The following XYLB variants were observed in gnomAD, a reference collection of about 807,000 sequenced individuals.
XYLB encodes the protein xylulokinase.
XYLB carries 62 observed loss-of-function variants against 78.7 expected under a neutral mutation model. That is an observed-to-expected ratio of 0.79 (90% confidence interval 0.64 to 0.97). The LOEUF (loss-of-function observed/expected upper bound fraction) is 0.97, where lower values mean the gene tolerates loss of function less well. XYLB is among the 50% of genes least tolerant of loss of function. The pLI is 0.00. For synonymous variants in XYLB, 245 were observed against 247.4 expected, an observed-to-expected ratio of 0.99 and a Z score of 0.09; for missense variants, 687 against 676.8, an observed-to-expected ratio of 1.02 and a Z score of -0.17.
At chr3:38,443,052 A>C in the XYLB span, among the ~76,000 whole-genome samples, 1 of 152,232 alleles carries the variant, frequency 6.6e-6, no homozygotes, top group African/African-American at 2.4e-5. Flanking sequence ...CAAGAAAGGC[A>C]TGTGAAAAGA....
At chr3:38,415,930 G>A (rs576725813), downstream of XYLB, among the ~76,000 whole-genome samples, 8 of 152,244 alleles carry the variant, frequency 5.3e-5, no homozygotes, top group African/African-American at 1.9e-4. Flanking sequence ...TTCACATGGT[G>A]GCAAGAAAGA....
chr3:38,452,441 T>G, the XYLB span: 1 of 152,120 alleles, frequency 6.6e-6, no homozygotes, highest in Non-Finnish European at 1.5e-5. Context: ...TAAACTTGTT[T>G]TTTTTTTGAG....
the XYLB span, among the ~76,000 whole-genome samples, chr3:38,430,348 G>A: frequency 6.6e-6 from 1 of 152,208 alleles, no homozygotes; most frequent in Non-Finnish European, 1.5e-5. Flanking sequence ...CTGCATAAAT[G>A]TCTTTTTTTG....
downstream of XYLB, among the ~76,000 whole-genome samples, chr3:38,418,414 A>G (rs1185882529): frequency 6.6e-6 from 1 of 152,172 alleles, no homozygotes; most frequent in Non-Finnish European, 1.5e-5. Context: ...AAATTGGGCA[A>G]CATCAACAAA....
chr3:38,444,263 G>C, the XYLB span, among the ~76,000 whole-genome samples: 2 of 152,084 alleles, frequency 1.3e-5, no homozygotes, highest in African/African-American at 4.8e-5. Context: ...ACCTGGATTG[G>C]GCCAAATTCC....
chr3:38,375,823 A>G (rs1391743177), intron 12 of XYLB, among the ~76,000 whole-genome samples: 1 of 152,144 alleles, frequency 6.6e-6, no homozygotes, highest in Non-Finnish European at 1.5e-5. Flanking sequence ...CATTGTGCCC[A>G]TGGTAGAATG....
intron 14 of XYLB, among the ~76,000 whole-genome samples, chr3:38,378,300 C>T (rs1030665022): frequency 1.3e-5 from 2 of 152,230 alleles, no homozygotes; most frequent in African/African-American, 4.8e-5. Context: ...ATTCATTCAA[C>T]CAGCAGATAT....
chr3:38,374,570 G>C, intron 11 of XYLB, 68 bp downstream of exon 11: 2 of 1,600,650 alleles, frequency 1.2e-6, no homozygotes, highest in African/African-American at 1.3e-5. Context: ...CTGATAAGTA[G>C]CAGAGGTGCT....
At chr3:38,439,173 C>G in the XYLB span, among the ~76,000 whole-genome samples, 27 of 152,184 alleles carry the variant, frequency 1.8e-4, no homozygotes, top group African/African-American at 6.0e-4. Flanking sequence ...TAGCTACTTC[C>G]TGCTGGATAG....
chr3:38,448,329 A>C, the XYLB span, among the ~76,000 whole-genome samples: 1 of 152,172 alleles, frequency 6.6e-6, no homozygotes, highest in Non-Finnish European at 1.5e-5. Context: ...GAGTAGGGTG[A>C]CTATATTTAA....
At chr3:38,357,608 G>A (rs761432358) in intron 2 of XYLB, among the ~76,000 whole-genome samples, 47 of 152,178 alleles carry the variant, frequency 3.1e-4, no homozygotes, top group Non-Finnish European at 4.7e-4. Context: ...GGATGGTCTC[G>A]ATCTCCTGAC....
At chr3:38,386,766 G>A (rs2125627917) in intron 15 of XYLB, among the ~76,000 whole-genome samples, 1 of 152,248 alleles carries the variant, frequency 6.6e-6, no homozygotes, top group East Asian at 1.9e-4. Flanking sequence ...GGGCTAAAGG[G>A]AAAATCATAC....
intron 15 of XYLB, among the ~76,000 whole-genome samples, chr3:38,383,196 A>C (rs1575502380): frequency 6.6e-6 from 1 of 152,186 alleles, no homozygotes; most frequent in East Asian, 1.9e-4. Context: ...TATGATTCCC[A>C]CTTCACAACC....
intron 2 of XYLB, among the ~76,000 whole-genome samples, chr3:38,359,471 A>T (rs1010952296): frequency 6.6e-6 from 1 of 152,220 alleles, no homozygotes; most frequent in Admixed American, 6.5e-5. Flanking sequence ...CCCAGCACCC[A>T]CTAGACTTAG....
At chr3:38,447,173 C>G in the XYLB span, among the ~76,000 whole-genome samples, 20 of 151,972 alleles carry the variant, frequency 1.3e-4, no homozygotes, top group Admixed American at 1.3e-3. Context: ...TGAAAAAATG[C>G]TCAATGTCAC....
chr3:38,429,568 T>A, the XYLB span, among the ~76,000 whole-genome samples: 69 of 152,294 alleles, frequency 4.5e-4, no homozygotes, highest in African/African-American at 1.6e-3. Context: ...TTTTGAATTT[T>A]TTATTATTAT....
At chr3:38,398,106 C>T (rs1051201729) in intron 17 of XYLB, among the ~76,000 whole-genome samples, 5 of 151,764 alleles carry the variant, frequency 3.3e-5, no homozygotes, top group Non-Finnish European at 7.4e-5. Context: ...GCGTGAGCCA[C>T]CGCACCCGGC....
At chr3:38,370,238 G>GTGCACA in intron 9 of XYLB, 64 bp downstream of exon 9, 2 of 326,746 alleles carry the variant, frequency 6.1e-6, no homozygotes, top group African/African-American at 4.4e-5. Context: ...AAGCACTGTA[G>GTGCACA]CGCACACACA....
chr3:38,423,293 C>T (rs373845996), downstream of XYLB, among the ~76,000 whole-genome samples: 5 of 152,118 alleles, frequency 3.3e-5, no homozygotes, highest in African/African-American at 7.2e-5. Context: ...AGGATGGTCT[C>T]GATCTCCTGA....
Sources: allele counts gnomAD v4.1 joint callset (sites outside exome capture counted in the v4.1 genomes callset), GRCh38; gene constraint gnomAD v4.1.1; transcripts MANE v1.5; gene names NCBI Gene and HGNC (gene_info 2026-07-23, HGNC 2026-07-21).